The following SMG5 variants were observed in gnomAD, a reference collection of about 807,000 sequenced individuals.
The protein encoded by SMG5 is SMG5 nonsense mediated mRNA decay factor.
Under a neutral mutation model 122.9 loss-of-function variants are expected in SMG5, and 53 were observed. The observed-to-expected ratio is 0.43, with a 90% CI of 0.35 to 0.54. The LOEUF is 0.54. SMG5 is among the 20% of genes least tolerant of loss of function. The pLI, the probability that SMG5 is intolerant of heterozygous loss-of-function variation, is 0.01. For missense variants in SMG5, 1,153 were observed against 1,285.6 expected, an observed-to-expected ratio of 0.90 and a Z score of 1.58; for synonymous variants, 477 against 490.2, an observed-to-expected ratio of 0.97 and a Z score of 0.35.
Position 156,282,784 on chromosome 1 carries a change from GC to G in SMG5, c.-105del, listed in dbSNP as rs2101582443. ...GTAGCCGCAGCCGCCGCCGCCACCG[GC>G]CCTGCTCGGCCGCCATCGCTGTGAG... On this transcript the variant is annotated 5_prime_UTR_variant, in exon 1 of 22. The change creates a premature stop within an existing upstream ORF in the 5' untranslated region. Coordinates refer to ENST00000361813, the MANE Select transcript of SMG5 (RefSeq NM_015327.3). 8.0e-7 allele frequency: 1 copy of G among 1,253,322 alleles called. No individual in the cohort carries two copies. The highest frequency in any genetic ancestry group is 2.7e-5 in the East Asian group (1 of 37,182). 77.6% of individuals were successfully genotyped at this position (1,253,322 alleles called of 1,614,324 possible). A position where few individuals can be genotyped will look rare whatever the true frequency, so the allele number is the denominator to read the frequency against.
intron 12 of SMG5, among the ~76,000 whole-genome samples, chr1:156,265,517 T>C (rs1309886085): frequency 6.6e-6 from 1 of 152,036 alleles, no homozygotes; most frequent in Admixed American, 6.6e-5. Flanking sequence ...GCAATTGTTG[T>C]GTAGGGAGGA....
At position 156,267,769 on chromosome 1, in the gene SMG5, G is replaced by A; in HGVS notation, c.909-91C>T. On this transcript the variant is annotated intron_variant, in intron 9 of 21. Coordinates refer to ENST00000361813, the MANE Select transcript of SMG5 (RefSeq NM_015327.3). ...ATACAAGATTCAGAGAAAGGACTAT[G>A]GGATGCTGCAGGGGAGACCTGAGAG... 3.4e-6 allele frequency: 4 copies of A among 1,189,502 alleles called. No homozygotes were observed. The Admixed American group carries it at 8.5e-5, about 25-fold the overall frequency. The allele number at this position is 1,189,502 out of a possible 1,614,324, so 73.7% of individuals were successfully genotyped here.
intron 10 of SMG5, 44 bp downstream of exon 10, chr1:156,267,426 C>T (rs773100469): frequency 1.3e-6 from 2 of 1,594,682 alleles, no homozygotes; most frequent in South Asian, 2.2e-5. Context: ...AGTGAGGATC[C>T]CCAAAGCCAG....
chr1:156,271,614 C>T (rs1000718076), intron 7 of SMG5, among the ~76,000 whole-genome samples: 1 of 128,584 alleles, frequency 7.8e-6, no homozygotes, highest in Non-Finnish European at 1.6e-5. Flanking sequence ...TGCTCTGTTG[C>T]CCAGGCTGGA....
At position 156,252,519 on chromosome 1, in the gene SMG5, A is replaced by G; in HGVS notation, c.2663-15T>C. 6.2e-7 allele frequency: 1 copy of G among 1,613,532 alleles called. No individual in the cohort carries two copies. The highest frequency in any genetic ancestry group is 8.5e-7 in the Non-Finnish European group (1 of 1,179,668). The stretch of plus-strand genomic sequence containing the variant: ...GCCATCGATCACTGGTGGGCAAGGT[A>G]GGGAAAGACAAAACAGATAAGCTCA... On this transcript the variant is annotated splice_polypyrimidine_tract_variant and intron_variant, in intron 18 of 21. Transcript: ENST00000361813.
intron 20 of SMG5, 187 bp downstream of exon 20, chr1:156,251,216 C>A (rs1173772378): frequency 7.7e-6 from 7 of 906,422 alleles, no homozygotes; most frequent in Admixed American, 2.2e-5. Context: ...GCTGACCCAT[C>A]TGCAGAGGAA....
At chr1:156,259,197 G>A in intron 15 of SMG5, 34 bp from the exon 16 acceptor site, 1 of 1,530,680 alleles carries the variant, frequency 6.5e-7, no homozygotes, top group Admixed American at 2.0e-5. Context: ...GCGCTGCTGA[G>A]CAGGGCCCTC....
intron 7 of SMG5, among the ~76,000 whole-genome samples, chr1:156,271,900 T>C (rs796174355): frequency 2.0e-5 from 3 of 152,198 alleles, no homozygotes; most frequent in African/African-American, 7.2e-5. Context: ...GCCAAAAATG[T>C]TGTTTTTTAT....
intron 18 of SMG5, 47 bp from the exon 19 acceptor site, chr1:156,252,551 T>C: frequency 6.3e-7 from 1 of 1,582,564 alleles, no homozygotes; most frequent in Non-Finnish European, 8.7e-7. Context: ...CTCAGACTGC[T>C]GTGACAAGGG....
chr1:156,260,914 G>C (rs1164180747), intron 14 of SMG5, among the ~76,000 whole-genome samples: 2 of 152,222 alleles, frequency 1.3e-5, no homozygotes, highest in African/African-American at 2.4e-5. Context: ...CGCTCAGGAT[G>C]AATGAATAGC....
intron 15 of SMG5, among the ~76,000 whole-genome samples, chr1:156,259,710 G>C (rs1055418259): frequency 6.6e-6 from 1 of 151,946 alleles, no homozygotes; most frequent in African/African-American, 2.4e-5. Context: ...TGTATTTTTT[G>C]ATAGAAATGG....
upstream of SMG5, chr1:156,285,967 C>T (rs755700836): frequency 6.2e-7 from 1 of 1,607,540 alleles, no homozygotes; most frequent in Non-Finnish European, 8.5e-7. Flanking sequence ...TCTTTGCCAC[C>T]TTCCCCATTG....
At chr1:156,278,785 C>T (rs912525957) in intron 2 of SMG5, 151 bp downstream of exon 2, 33 of 659,856 alleles carry the variant, frequency 5.0e-5, no homozygotes, top group Non-Finnish European at 7.6e-5. Context: ...ATCCTATCTC[C>T]TCTCTTAGGA....
intron 7 of SMG5, among the ~76,000 whole-genome samples, chr1:156,269,076 T>C (rs1375576038): frequency 6.6e-6 from 1 of 152,102 alleles, no homozygotes; most frequent in African/African-American, 2.4e-5. Flanking sequence ...GTTCAAGCGA[T>C]TCTCGTGCCT....
chr1:156,265,665 C>T (rs1662090692), intron 12 of SMG5, 116 bp downstream of exon 12: 1 of 1,472,108 alleles, frequency 6.8e-7, no homozygotes, highest in African/African-American at 1.4e-5. Flanking sequence ...GGCAGAGGGC[C>T]AAAGGTAAGG....
chr1:156,263,439 C>T lies in SMG5; in HGVS notation c.1987G>A (p.Asp663Asn), dbSNP rs1182328924. ...GLLPAVKVFLDWLRTNPDLII... is the reference protein window; with the variant it reads ...GLLPAVKVFLNWLRTNPDLII... ...AGGTCGGGGTTGGTCCGAAGCCAGT[C>T]CAGGAAGACTTTCACAGCAGGAAGC... Residue 663 changes from aspartate (D) to asparagine (N), a missense_variant, in exon 13 of 22, where the codon GAC (aspartate) becomes AAC (asparagine). Transcript: ENST00000361813. 1 of 1,614,210 alleles carries T rather than the reference C, an allele frequency of 6.2e-7. No individual in the cohort carries two copies. The highest frequency in any genetic ancestry group is 1.7e-5 in the Admixed American group (1 of 60,026).
At chr1:156,274,539 G>T (rs928247660) in intron 5 of SMG5, 58 bp downstream of exon 5, 15 of 1,503,392 alleles carry the variant, frequency 1.0e-5, no homozygotes, top group African/African-American at 2.8e-5. Context: ...AACAACTGAA[G>T]CAGCCTGGGC....
Position 156,253,553 on chromosome 1 carries a change from C to T in SMG5, c.2443-45G>A, listed in dbSNP as rs761579055. 19 of 1,585,734 alleles carry T rather than the reference C, an allele frequency of 1.2e-5. No individual in the cohort carries two copies. In the East Asian group the frequency reaches 4.2e-4, roughly 35 times the overall value. ...CTGTAAGGAGTTGGGGTGTATTTTC[C>T]CTTCTCCAGTGATCAGGAAGACCAA... is the stretch of plus-strand genomic sequence containing the variant. On this transcript the variant is annotated intron_variant, in intron 16 of 21. Coordinates refer to ENST00000361813, the MANE Select transcript of SMG5 (RefSeq NM_015327.3).
chr1:156,285,875 GGGGCATATGCCTTCCTGCCGTTT>G (rs1663142200), upstream of SMG5: 18 of 1,613,738 alleles, frequency 1.1e-5, no homozygotes, highest in Non-Finnish European at 1.3e-5. Context: ...CCTACTATAC[GGGGCATATGCCTTCCTGCCGTTT>G]GATGTCCCAC....
Sources: allele counts gnomAD v4.1 joint callset (sites outside exome capture counted in the v4.1 genomes callset), GRCh38; gene constraint gnomAD v4.1.1; transcripts MANE v1.5; gene names NCBI Gene and HGNC (gene_info 2026-07-23, HGNC 2026-07-21).